Variants in PARD3B observed in about 807,000 individuals in gnomAD.
PARD3B encodes the protein partitioning defective 3 homolog B.
A neutral mutation model predicts 130.2 loss-of-function variants in PARD3B; 103 were observed. That is an observed-to-expected ratio of 0.79 (90% CI 0.67 to 0.93). The LOEUF (loss-of-function observed/expected upper bound fraction) is 0.93. PARD3B is among the 40% of genes least tolerant of loss of function. The probability of loss-of-function intolerance (pLI) is 0.00; values close to 1 mark genes in which losing one functional copy is unlikely to be tolerated. For synonymous variants in PARD3B, 583 were observed against 553.2 expected, an observed-to-expected ratio of 1.05 and a Z score of -0.76; for missense variants, 1,609 against 1,499.2, an observed-to-expected ratio of 1.07 and a Z score of -1.21.
intron 1 of PARD3B, among the ~76,000 whole-genome samples, chr2:204,549,748 A>G (rs955312741): frequency 2.6e-5 from 4 of 152,242 alleles, no homozygotes; most frequent in Non-Finnish European, 5.9e-5. Flanking sequence ...TTATTAAGCA[A>G]CAGAATAAGC....
At chr2:204,916,713 A>C (rs1052921387) in intron 2 of PARD3B, among the ~76,000 whole-genome samples, 2 of 152,020 alleles carry the variant, frequency 1.3e-5, no homozygotes, top group Non-Finnish European at 2.9e-5. Flanking sequence ...CCATTTGTTC[A>C]TGGAGTTCCC....
chr2:204,852,038 G>T (rs547842208), intron 2 of PARD3B, among the ~76,000 whole-genome samples: 2 of 152,152 alleles, frequency 1.3e-5, no homozygotes, highest in African/African-American at 4.8e-5. Context: ...AAAAAGTTTG[G>T]GTATGAAATC....
At chr2:204,707,266 A>T (rs771910018) in intron 2 of PARD3B, among the ~76,000 whole-genome samples, 1 of 152,206 alleles carries the variant, frequency 6.6e-6, no homozygotes, top group African/African-American at 2.4e-5. Flanking sequence ...TGGTGGTGGT[A>T]CTATTGTCAG....
At chr2:205,357,149 C>G (rs550282187) in intron 18 of PARD3B, among the ~76,000 whole-genome samples, 1 of 152,150 alleles carries the variant, frequency 6.6e-6, no homozygotes, top group South Asian at 2.1e-4. Context: ...GTATTGACTA[C>G]CTGCTATTAA....
intron 2 of PARD3B, among the ~76,000 whole-genome samples, chr2:204,695,256 AT>A (rs536666896): frequency 5.3e-5 from 8 of 151,182 alleles, no homozygotes; most frequent in Non-Finnish European, 8.9e-5. Flanking sequence ...TGGGACCATT[AT>A]TTTTTTTTAA....
intron 19 of PARD3B, among the ~76,000 whole-genome samples, chr2:205,403,788 A>G (rs1166640930): frequency 6.6e-6 from 1 of 152,192 alleles, no homozygotes; most frequent in Non-Finnish European, 1.5e-5. Context: ...ACATAAAACT[A>G]TTCTTATTTA....
intron 2 of PARD3B, among the ~76,000 whole-genome samples, chr2:204,729,835 A>AT (rs397964332): frequency 4.6e-5 from 7 of 152,146 alleles, no homozygotes; most frequent in East Asian, 3.9e-4. Flanking sequence ...TTAAAAAAAA[A>AT]TTTTTTGTTT....
chr2:204,817,426 A>G (rs1350838326), intron 2 of PARD3B, among the ~76,000 whole-genome samples: 2 of 152,136 alleles, frequency 1.3e-5, no homozygotes, highest in African/African-American at 4.8e-5. Flanking sequence ...AGCAATGATC[A>G]GTCTACATGT....
intron 20 of PARD3B, among the ~76,000 whole-genome samples, chr2:205,478,359 CTTCAAAATGTAGGTTG>C (rs1044793070): frequency 6.6e-6 from 1 of 152,158 alleles, no homozygotes; most frequent in Admixed American, 6.5e-5. Context: ...AATGAGAGCA[CTTCAAAATGTAGGTTG>C]TTGAATTTTA....
At chr2:205,431,288 G>A (rs2047323297) in intron 19 of PARD3B, among the ~76,000 whole-genome samples, 1 of 152,102 alleles carries the variant, frequency 6.6e-6, no homozygotes, top group Non-Finnish European at 1.5e-5. Flanking sequence ...TGTTGGCCAG[G>A]CTGGTCTTGA....
chr2:205,273,058 T>C (rs966023619), intron 16 of PARD3B, among the ~76,000 whole-genome samples: 1 of 152,232 alleles, frequency 6.6e-6, no homozygotes, highest in African/African-American at 2.4e-5. Flanking sequence ...CTGAAGTAAT[T>C]GGAAATAAAG....
chr2:205,136,301 A>G (rs1004607771), intron 10 of PARD3B, among the ~76,000 whole-genome samples: 1 of 151,926 alleles, frequency 6.6e-6, no homozygotes, highest in Admixed American at 6.6e-5. Flanking sequence ...GTAACACTCT[A>G]TGTGTTTCTC....
At chr2:204,825,753 C>A (rs1006062748) in intron 2 of PARD3B, among the ~76,000 whole-genome samples, 1 of 152,156 alleles carries the variant, frequency 6.6e-6, no homozygotes, top group Admixed American at 6.5e-5. Context: ...TTCAATGGAG[C>A]GAGTTCTTGA....
intron 2 of PARD3B, among the ~76,000 whole-genome samples, chr2:204,955,323 A>C (rs1480098835): frequency 6.6e-6 from 1 of 152,250 alleles, no homozygotes; most frequent in African/African-American, 2.4e-5. Context: ...TGGAATCATA[A>C]TATACTAAGT....
chr2:204,898,666 A>G (rs1305326814), intron 2 of PARD3B, among the ~76,000 whole-genome samples: 1 of 152,118 alleles, frequency 6.6e-6, no homozygotes, highest in Non-Finnish European at 1.5e-5. Context: ...TAACTCCAGT[A>G]TTTCTTTGTT....
Position 205,572,708 on chromosome 2 carries a change from GCACTC to G in PARD3B, c.3260+19308_3260+19312del, listed in dbSNP as rs2053603289. 6.6e-6 allele frequency among the ~76,000 whole-genome samples: 1 copy of G among 152,120 alleles called. No homozygotes were observed. Among genetic ancestry groups the G allele is most frequent in the African/African-American group, 2.4e-5 (1 of 41,408 alleles). On this transcript the variant is annotated intron_variant, in intron 22 of 22. Transcript: ENST00000406610. This position sits in a 1 kb window ranked among gnomAD's most constrained non-coding sequence, Gnocchi z 4.2. The stretch of plus-strand genomic sequence containing the variant: ...TGCAGTGAGCTGAGATCATGCCATT[GCACTC>G]CAGCCTGGACAACAGAGGGAGAACC...
chr2:204,931,385 A>AAATGTTAGC (rs1688020392), intron 2 of PARD3B, among the ~76,000 whole-genome samples: 1 of 152,138 alleles, frequency 6.6e-6, no homozygotes, highest in African/African-American at 2.4e-5. Flanking sequence ...AGTACTCAAT[A>AAATGTTAGC]AATGTTAGCA....
At chr2:205,329,828 TA>T (rs1329411178) in intron 18 of PARD3B, among the ~76,000 whole-genome samples, 1 of 151,488 alleles carries the variant, frequency 6.6e-6, no homozygotes, top group Non-Finnish European at 1.5e-5. Context: ...CCATCTCTAC[TA>T]AAAATAACAC....
chr2:204,829,581 T>A (rs1015237712), intron 2 of PARD3B, among the ~76,000 whole-genome samples: 1 of 152,172 alleles, frequency 6.6e-6, no homozygotes, highest in African/African-American at 2.4e-5. Flanking sequence ...AAATCTCATG[T>A]TGAATTGTAA....
Sources: allele counts gnomAD v4.1 joint callset (sites outside exome capture counted in the v4.1 genomes callset), GRCh38; gene constraint gnomAD v4.1.1; non-coding constraint Gnocchi (gnomAD v3.1); transcripts MANE v1.5; gene names NCBI Gene and HGNC (gene_info 2026-07-23, HGNC 2026-07-21).